Variants in CNTN4 observed in about 807,000 individuals in gnomAD.
CNTN4 encodes the protein contactin 4.
CNTN4 carries 77 observed loss-of-function variants against 122.5 expected under a neutral mutation model. The observed-to-expected ratio is 0.63, with a 90% CI of 0.52 to 0.76. The LOEUF (loss-of-function observed/expected upper bound fraction) is 0.76. Among genes scored for constraint, CNTN4 ranks in the 30% least tolerant of loss-of-function variants. CNTN4 has a pLI of 0.00. For missense variants in CNTN4, 1,256 were observed against 1,259.1 expected (o/e 1.00, Z 0.04); for synonymous variants, 512 against 447.0 (o/e 1.15, Z -1.83).
At chr3:2,178,021 C>T (rs953778051) in intron 2 of CNTN4, among the ~76,000 whole-genome samples, 4 of 152,032 alleles carry the variant, frequency 2.6e-5, no homozygotes, top group African/African-American at 9.7e-5. Context: ...AGCCCCAGCT[C>T]ATTTCTCTCT....
chr3:2,337,459 G>A (rs1467573068), intron 2 of CNTN4, among the ~76,000 whole-genome samples: 1 of 152,028 alleles, frequency 6.6e-6, no homozygotes, highest in Non-Finnish European at 1.5e-5. Flanking sequence ...AAACTGAATA[G>A]CTAGTCTGCA....
intron 7 of CNTN4, among the ~76,000 whole-genome samples, chr3:2,840,706 T>TA (rs1577016185): frequency 6.6e-6 from 1 of 150,968 alleles, no homozygotes; most frequent in African/African-American, 2.4e-5. Context: ...CTCCAAAAAA[T>TA]AAAAAATAAA....
chr3:2,569,598 T>C (rs1304675053), intron 3 of CNTN4, among the ~76,000 whole-genome samples: 1 of 152,178 alleles, frequency 6.6e-6, no homozygotes, highest in African/African-American at 2.4e-5. Context: ...TCTGGCAATG[T>C]AGGGTGCTGC....
At chr3:2,546,013 A>G (rs546821990) in intron 3 of CNTN4, among the ~76,000 whole-genome samples, 5 of 152,272 alleles carry the variant, frequency 3.3e-5, no homozygotes, top group African/African-American at 1.2e-4. Flanking sequence ...AAGTCAAAAA[A>G]TAACAGATGC....
At chr3:2,693,023 A>G (rs971941586) in intron 4 of CNTN4, among the ~76,000 whole-genome samples, 2 of 152,146 alleles carry the variant, frequency 1.3e-5, no homozygotes, top group African/African-American at 4.8e-5. Flanking sequence ...ATGAGATGCT[A>G]CCTTCATGAT....
intron 2 of CNTN4, among the ~76,000 whole-genome samples, chr3:2,251,697 G>A (rs1167782061): frequency 6.6e-6 from 1 of 151,430 alleles, no homozygotes; most frequent in African/African-American, 2.4e-5. Context: ...AAAACAAGAT[G>A]TTCTATTTTA....
chr3:2,667,258 T>C (rs2084223530), intron 4 of CNTN4, among the ~76,000 whole-genome samples: 2 of 152,162 alleles, frequency 1.3e-5, no homozygotes, highest in Admixed American at 6.5e-5. Flanking sequence ...ACCTGCTGTT[T>C]CCTGACTTTT....
chr3:3,052,938 A>T (rs1406363475), intron 23 of CNTN4, among the ~76,000 whole-genome samples: 1 of 152,182 alleles, frequency 6.6e-6, no homozygotes. Flanking sequence ...AACCTTTGCC[A>T]TGTATGTTCT....
chr3:2,852,413 G>T (rs931463322), intron 7 of CNTN4, among the ~76,000 whole-genome samples: 6 of 152,120 alleles, frequency 3.9e-5, no homozygotes, highest in African/African-American at 1.4e-4. Context: ...AGTAGATGAT[G>T]ATTTAGAATG....
intron 3 of CNTN4, among the ~76,000 whole-genome samples, chr3:2,479,989 C>A (rs918798709): frequency 2.0e-5 from 3 of 152,002 alleles, no homozygotes; most frequent in Admixed American, 2.0e-4. Flanking sequence ...TAATGTAATT[C>A]ATCACATCAG....
At chr3:2,828,251 C>G (rs1351539171) in intron 7 of CNTN4, among the ~76,000 whole-genome samples, 2 of 152,042 alleles carry the variant, frequency 1.3e-5, no homozygotes, top group East Asian at 1.9e-4. Context: ...TTCTTGGCCA[C>G]CACTGAGAGA....
chr3:2,339,087 C>G (rs879833087), intron 2 of CNTN4, 91 bp from the exon 3 acceptor site: 2 of 151,978 alleles, frequency 1.3e-5, no homozygotes, highest in South Asian at 2.1e-4. Context: ...AATTTTAGAC[C>G]GGGAAGATTA....
At chr3:2,845,432 T>G (rs1231838378) in intron 7 of CNTN4, among the ~76,000 whole-genome samples, 1 of 151,996 alleles carries the variant, frequency 6.6e-6, no homozygotes, top group Non-Finnish European at 1.5e-5. Flanking sequence ...ATAAATTACT[T>G]TATTAGTAAA....
At chr3:2,397,082 C>T (rs1371891151) in intron 3 of CNTN4, among the ~76,000 whole-genome samples, 1 of 152,058 alleles carries the variant, frequency 6.6e-6, no homozygotes, top group Non-Finnish European at 1.5e-5. Context: ...AATAACAGGG[C>T]ATGTAAAAGA....
At chr3:3,022,158 C>T (rs1007175448) in intron 14 of CNTN4, among the ~76,000 whole-genome samples, 4 of 150,814 alleles carry the variant, frequency 2.7e-5, no homozygotes, top group Non-Finnish European at 4.4e-5. Flanking sequence ...GTGGGAGGAT[C>T]GTTTGAACCT....
At chr3:2,216,690 A>G (rs1300449909) in intron 2 of CNTN4, among the ~76,000 whole-genome samples, 1 of 152,178 alleles carries the variant, frequency 6.6e-6, no homozygotes, top group Admixed American at 6.5e-5. Flanking sequence ...TACTTTTATA[A>G]TGGAAAATGT....
intron 3 of CNTN4, among the ~76,000 whole-genome samples, chr3:2,560,037 C>T (rs951726761): frequency 6.6e-6 from 1 of 152,070 alleles, no homozygotes; most frequent in Non-Finnish European, 1.5e-5. Flanking sequence ...AGTTTATTTA[C>T]CATTACATGA....
chr3:2,262,889 G>C (rs896665515), intron 2 of CNTN4, among the ~76,000 whole-genome samples: 2 of 152,100 alleles, frequency 1.3e-5, no homozygotes, highest in African/African-American at 4.8e-5. Context: ...GGATTTGTCA[G>C]ACATAGCTTT....
chr3:2,212,475 A>T lies in CNTN4; in HGVS notation c.-145+111836A>T, dbSNP rs116037969. 4.9e-3 allele frequency among the ~76,000 whole-genome samples: 741 copies of T among 152,244 alleles called. 4 individuals are homozygous for T. The highest frequency in any genetic ancestry group is 0.017 in the African/African-American group (704 of 41,548). On this transcript the variant is annotated intron_variant, in intron 2 of 24. Coordinates refer to ENST00000418658, the MANE Select transcript of CNTN4 (RefSeq NM_175607.3). ...GAGGAGCAAAGTCATGTCTTACATG[A>T]CACCGGGCAAGAGGGTTTGTGCAGG... is the stretch of plus-strand genomic sequence containing the variant.
Sources: allele counts gnomAD v4.1 joint callset (sites outside exome capture counted in the v4.1 genomes callset), GRCh38; gene constraint gnomAD v4.1.1; transcripts MANE v1.5; gene names NCBI Gene and HGNC (gene_info 2026-07-23, HGNC 2026-07-21).